PITPNM2: variants seen among roughly 807,000 people sequenced by gnomAD.
PITPNM2 encodes phosphatidylinositol transfer protein membrane associated 2.
A neutral mutation model predicts 132.2 loss-of-function variants in PITPNM2; 35 were observed. The observed-to-expected ratio is 0.26, with a 90% CI of 0.20 to 0.35. The LOEUF (loss-of-function observed/expected upper bound fraction) is 0.35. Among genes scored for constraint, PITPNM2 ranks in the 10% least tolerant of loss-of-function variants. The probability of loss-of-function intolerance (pLI) is 1.00; values close to 1 mark genes in which losing one functional copy is unlikely to be tolerated. For missense variants in PITPNM2, 1,332 were observed against 1,912.0 expected (o/e 0.70, Z 5.66); for synonymous variants, 738 against 799.2 (o/e 0.92, Z 1.29).
rs1014150535 is a variant in PITPNM2 at position 123,005,782 on chromosome 12, C to G, written c.644-234G>C. On this transcript the variant is annotated intron_variant, in intron 6 of 25. Coordinates refer to ENST00000320201, the MANE Select transcript of PITPNM2 (RefSeq NM_020845.3). This position sits in a 1 kb window ranked among gnomAD's most constrained non-coding sequence, Gnocchi z 6.2. ...TTCTATAATTAGAGTGGAGGGGCCT[C>G]CCAAAGCAATGTGTCCGGTCAGAAG... 9.0e-6 allele frequency: 5 copies of G among 556,604 alleles called. No homozygotes were observed. Among genetic ancestry groups the G allele is most frequent in the Non-Finnish European group, 1.6e-5 (5 of 315,038 alleles). The allele number at this position is 556,604 out of a possible 1,614,324, so 34.5% of individuals were successfully genotyped here. A position where few individuals can be genotyped will look rare whatever the true frequency, so the allele number is the denominator to read the frequency against.
At chr12:123,125,864 G>GGT (rs2043127670) in intron 1 of PITPNM2, among the ~76,000 whole-genome samples, 4 of 64,838 alleles carry the variant, frequency 6.2e-5, no homozygotes, top group Non-Finnish European at 8.1e-5. Flanking sequence ...AAAAATTAGG[G>GGT]TTTTTTTTTT....
At chr12:123,093,813 G>T (rs1375177476) in intron 2 of PITPNM2, among the ~76,000 whole-genome samples, 11 of 152,256 alleles carry the variant, frequency 7.2e-5, no homozygotes, top group African/African-American at 2.7e-4. Context: ...CCAACATTCA[G>T]TTGGTTTGTG....
upstream of PITPNM2, among the ~76,000 whole-genome samples, chr12:123,151,471 G>T (rs2043751655): frequency 1.3e-5 from 2 of 152,172 alleles, no homozygotes; most frequent in Admixed American, 1.3e-4. Context: ...AAGTTTCTTA[G>T]GAGCGAAATG....
At chr12:123,041,190 T>C (rs1047261134) in intron 2 of PITPNM2, among the ~76,000 whole-genome samples, 16 of 152,236 alleles carry the variant, frequency 1.1e-4, no homozygotes, top group Non-Finnish European at 7.3e-5. Context: ...CTGGGGTGTC[T>C]GTAGATTAAA....
intron 3 of PITPNM2, 26 bp downstream of exon 3, chr12:123,034,487 T>G: frequency 6.8e-7 from 1 of 1,468,554 alleles, no homozygotes. Flanking sequence ...CCTCACCCCA[T>G]GACCCACCCT....
chr12:123,067,854 C>T (rs2136861782), intron 2 of PITPNM2, among the ~76,000 whole-genome samples: 1 of 152,326 alleles, frequency 6.6e-6, no homozygotes, highest in South Asian at 2.1e-4. Flanking sequence ...GTCTCCTGCT[C>T]CGGGCACCCT....
chr12:123,013,800 A>G, intron 4 of PITPNM2, 28 bp downstream of exon 4: 4 of 1,603,918 alleles, frequency 2.5e-6, no homozygotes, highest in Non-Finnish European at 2.6e-6. Flanking sequence ...TGGAGGTGGG[A>G]GGCACATGGA....
At chr12:123,043,520 C>T (rs182303710) in intron 2 of PITPNM2, among the ~76,000 whole-genome samples, 54 of 152,336 alleles carry the variant, frequency 3.5e-4, no homozygotes, top group South Asian at 6.2e-4. Flanking sequence ...CCAAATCCCA[C>T]AGAAAGTCAT....
At chr12:123,063,834 T>C (rs1040902118) in intron 2 of PITPNM2, among the ~76,000 whole-genome samples, 6 of 152,234 alleles carry the variant, frequency 3.9e-5, no homozygotes, top group Admixed American at 2.6e-4. Context: ...TTAAACTCTC[T>C]GAGCCTCAGT....
chr12:122,994,730 G>A lies in PITPNM2; in HGVS notation c.2233+71C>T. ...GGGACGTGGCCATGATCTCATCACA[G>A]GGGTCCACTGAGACCCCCGCCCCCG... On this transcript the variant is annotated intron_variant, in intron 15 of 25. Transcript: ENST00000320201. The surrounding 1 kb of genome is among the most constrained non-coding windows in gnomAD (Gnocchi z 5.4). 1 of 1,481,940 alleles carries A rather than the reference G, an allele frequency of 6.7e-7. No homozygotes were observed. Among genetic ancestry groups the A allele is most frequent in the Non-Finnish European group, 9.0e-7 (1 of 1,107,122 alleles). 91.8% of individuals were successfully genotyped at this position (1,481,940 alleles called of 1,614,324 possible).
intron 3 of PITPNM2, among the ~76,000 whole-genome samples, chr12:123,014,626 C>T (rs1454286916): frequency 1.3e-5 from 2 of 152,150 alleles, no homozygotes; most frequent in African/African-American, 4.8e-5. Flanking sequence ...CGCTTGAACC[C>T]GGGAGGCAGA....
chr12:122,991,732 C>G lies in PITPNM2; in HGVS notation c.2404+767G>C, dbSNP rs775873926. ...GGTCAACCAACGAAGCAGACGTCAC[C>G]ACGAGCAGGGGAGGGTACACACACT... On this transcript the variant is annotated intron_variant, in intron 16 of 25. Coordinates refer to ENST00000320201, the MANE Select transcript of PITPNM2 (RefSeq NM_020845.3). The G allele has an allele frequency of 3.9e-6, 5 of 1,295,518 alleles. No homozygotes were observed. In the East Asian group the frequency reaches 1.4e-4, roughly 36 times the overall value. The allele number at this position is 1,295,518 out of a possible 1,614,324, so 80.3% of individuals were successfully genotyped here.
intron 1 of PITPNM2, among the ~76,000 whole-genome samples, chr12:123,127,958 C>G (rs953178687): frequency 3.3e-5 from 5 of 151,862 alleles, no homozygotes; most frequent in Non-Finnish European, 7.4e-5. Flanking sequence ...GAATAAAGAA[C>G]AGTACTAAAG....
intron 3 of PITPNM2, among the ~76,000 whole-genome samples, chr12:123,019,391 C>T (rs1257716641): frequency 2.6e-5 from 4 of 152,144 alleles, no homozygotes. Context: ...ATATATACAA[C>T]ACTTGAATAA....
At position 123,005,208 on chromosome 12, in the gene PITPNM2, G is replaced by A. The variant is rs2038873729; in HGVS notation, c.952+32C>T. On this transcript the variant is annotated intron_variant, in intron 7 of 25. Coordinates refer to ENST00000320201, the MANE Select transcript of PITPNM2 (RefSeq NM_020845.3). The surrounding 1 kb of genome is among the most constrained non-coding windows in gnomAD (Gnocchi z 6.2). ...GGGCTGCCTTGAGGGGAGGGACCTT[G>A]AGTGTGGGTGGCAGGTGGCGCAGGG... 6.3e-7 allele frequency: 1 copy of A among 1,593,484 alleles called. No homozygotes were observed. The highest frequency in any genetic ancestry group is 8.6e-7 in the Non-Finnish European group (1 of 1,167,874).
At position 123,112,679 on chromosome 12, in the gene PITPNM2, C is replaced by T. The variant is rs554555236; in HGVS notation, c.-199-2191G>A. Reference sequence around the variant, plus strand: ...TCAGCCTCCTGAGTAGCTGGGACTACGGCGACTGCCACCACGCCTGGCTAA... The same window carrying T: ...TCAGCCTCCTGAGTAGCTGGGACTATGGCGACTGCCACCACGCCTGGCTAA... On this transcript the variant is annotated intron_variant, in intron 1 of 25. Transcript: ENST00000320201. Among the ~76,000 whole-genome samples, 3 of 152,012 alleles carry T rather than the reference C, an allele frequency of 2.0e-5. No homozygotes were observed. In the East Asian group the frequency reaches 5.8e-4, roughly 29 times the overall value.
At chr12:123,015,994 T>C (rs147153795) in intron 3 of PITPNM2, among the ~76,000 whole-genome samples, 1 of 152,274 alleles carries the variant, frequency 6.6e-6, no homozygotes, top group East Asian at 1.9e-4. Context: ...AATGAAAAGA[T>C]GTTCAACATC....
intron 2 of PITPNM2, among the ~76,000 whole-genome samples, chr12:123,063,051 C>A (rs897115195): frequency 1.3e-5 from 2 of 152,252 alleles, no homozygotes; most frequent in Admixed American, 6.5e-5. Flanking sequence ...CACAGGCCTG[C>A]GGGCACATAG....
chr12:123,055,079 A>C (rs2040980088), intron 2 of PITPNM2, among the ~76,000 whole-genome samples: 1 of 152,166 alleles, frequency 6.6e-6, no homozygotes, highest in Non-Finnish European at 1.5e-5. Flanking sequence ...AAGAAAAGAA[A>C]AGAAAAGAAA....
Sources: allele counts gnomAD v4.1 joint callset (sites outside exome capture counted in the v4.1 genomes callset), GRCh38; gene constraint gnomAD v4.1.1; non-coding constraint Gnocchi (gnomAD v3.1); transcripts MANE v1.5; gene names NCBI Gene and HGNC (gene_info 2026-07-23, HGNC 2026-07-21).